The following CMTM4 variants were observed in gnomAD, a reference collection of about 807,000 sequenced individuals.
The protein encoded by CMTM4 is CKLF-like MARVEL transmembrane domain-containing protein 4.
A neutral mutation model predicts 19.0 loss-of-function variants in CMTM4; 8 were observed. That is an observed-to-expected ratio of 0.42 (90% confidence interval 0.25 to 0.76). The LOEUF (loss-of-function observed/expected upper bound fraction) is 0.76, where lower values mean the gene tolerates loss of function less well. Among genes scored for constraint, CMTM4 ranks in the 30% least tolerant of loss-of-function variants. The pLI is 0.27. For missense variants in CMTM4, 228 were observed against 290.2 expected, an observed-to-expected ratio of 0.79 and a Z score of 1.56; for synonymous variants, 106 against 121.1, an observed-to-expected ratio of 0.88 and a Z score of 0.82.
At chr16:66,632,655 G>A (rs1285755657) in intron 2 of CMTM4, among the ~76,000 whole-genome samples, 1 of 152,108 alleles carries the variant, frequency 6.6e-6, no homozygotes, top group African/African-American at 2.4e-5. Flanking sequence ...CTTTTGGGAT[G>A]GGGGAGGATC....
At chr16:66,603,217 T>C in the CMTM4 span, among the ~76,000 whole-genome samples, 2 of 152,156 alleles carry the variant, frequency 1.3e-5, no homozygotes, top group Non-Finnish European at 2.9e-5. Context: ...CACAGAGTGC[T>C]CTGGTGAGAA....
intron 1 of CMTM4, among the ~76,000 whole-genome samples, chr16:66,658,804 T>C (rs1011078170): frequency 6.6e-6 from 1 of 151,964 alleles, no homozygotes; most frequent in African/African-American, 2.4e-5. Context: ...CAAAATCTCC[T>C]CCCACAGGGA....
At chr16:66,600,136 G>GGGGGT in the CMTM4 span, among the ~76,000 whole-genome samples, 3 of 135,166 alleles carry the variant, frequency 2.2e-5, no homozygotes, top group African/African-American at 8.7e-5. Context: ...GTGTGTGTGT[G>GGGGGT]TTTTTTTTTG....
At chr16:66,614,216 C>A (rs965545753), downstream of CMTM4, among the ~76,000 whole-genome samples, 1 of 152,248 alleles carries the variant, frequency 6.6e-6, no homozygotes, top group African/African-American at 2.4e-5. The surrounding 1 kb of genome is among the most constrained non-coding windows in gnomAD (Gnocchi z 4.9). Context: ...TAACAGGTCC[C>A]ATGGTACCAG....
downstream of CMTM4, among the ~76,000 whole-genome samples, chr16:66,610,377 C>G (rs1359678750): frequency 1.3e-5 from 2 of 152,182 alleles, no homozygotes; most frequent in African/African-American, 4.8e-5. This position sits in a 1 kb window ranked among gnomAD's most constrained non-coding sequence, Gnocchi z 4.6. Flanking sequence ...CAGGCCTGTC[C>G]TGGGAAGCTC....
At chr16:66,602,080 C>T in the CMTM4 span, among the ~76,000 whole-genome samples, 2 of 152,212 alleles carry the variant, frequency 1.3e-5, no homozygotes, top group African/African-American at 2.4e-5. Flanking sequence ...TGGTGATTGT[C>T]ATGAGTGGTA....
chr16:66,604,648 G>T, the CMTM4 span: 1 of 517,532 alleles, frequency 1.9e-6, no homozygotes. Flanking sequence ...CGGGCTGGAG[G>T]AGCGGGTGGG....
the CMTM4 span, chr16:66,605,005 G>A: frequency 2.4e-5 from 33 of 1,383,506 alleles, 2 homozygotes; most frequent in South Asian, 4.9e-4. This position sits in a 1 kb window ranked among gnomAD's most constrained non-coding sequence, Gnocchi z 4.6. Flanking sequence ...GGCTCCTTTC[G>A]GAGGAGGACG....
the CMTM4 span, among the ~76,000 whole-genome samples, chr16:66,601,136 T>G: frequency 1.3e-5 from 2 of 151,346 alleles, no homozygotes; most frequent in Admixed American, 6.6e-5. Context: ...TGTGTGTGTT[T>G]ATCTTTGTGG....
chr16:66,664,643 C>A (rs2016559279), intron 1 of CMTM4, among the ~76,000 whole-genome samples: 1 of 149,412 alleles, frequency 6.7e-6, no homozygotes. Context: ...AATTCGTAGA[C>A]CAAACACTTA....
At chr16:66,642,255 T>C (rs948726454) in intron 1 of CMTM4, among the ~76,000 whole-genome samples, 2 of 152,146 alleles carry the variant, frequency 1.3e-5, no homozygotes, top group Non-Finnish European at 2.9e-5. Flanking sequence ...ATAACAACCT[T>C]GAAGTGAGCA....
intron 1 of CMTM4, among the ~76,000 whole-genome samples, chr16:66,665,872 C>T (rs1303904085): frequency 6.6e-6 from 1 of 150,998 alleles, no homozygotes; most frequent in African/African-American, 2.4e-5. Flanking sequence ...AGTTCGAGAC[C>T]AGCCTGGCCA....
At chr16:66,664,629 A>G (rs1294799356) in intron 1 of CMTM4, among the ~76,000 whole-genome samples, 1 of 151,752 alleles carries the variant, frequency 6.6e-6, no homozygotes, top group Non-Finnish European at 1.5e-5. Flanking sequence ...TGTATGTATA[A>G]TGTAATTCGT....
At chr16:66,607,689 G>A in the CMTM4 span, among the ~76,000 whole-genome samples, 1 of 152,100 alleles carries the variant, frequency 6.6e-6, no homozygotes, top group Non-Finnish European at 1.5e-5. Context: ...ATTTCCCTCC[G>A]CAGGGCACTG....
At chr16:66,642,751 A>C (rs2016118850) in intron 1 of CMTM4, among the ~76,000 whole-genome samples, 2 of 152,100 alleles carry the variant, frequency 1.3e-5, no homozygotes, top group Admixed American at 6.6e-5. Context: ...ACCAGAATTG[A>C]TATTAACAGG....
the CMTM4 span, among the ~76,000 whole-genome samples, chr16:66,602,353 T>C: frequency 2.6e-5 from 4 of 151,970 alleles, no homozygotes; most frequent in Non-Finnish European, 5.9e-5. Context: ...GCCAAGATCA[T>C]GCCACTGCAC....
chr16:66,666,402 G>A (rs1343655500), intron 1 of CMTM4, among the ~76,000 whole-genome samples: 3 of 151,842 alleles, frequency 2.0e-5, no homozygotes, highest in Non-Finnish European at 2.9e-5. Context: ...GCAGTGAGCC[G>A]AGATCACGCC....
Position 66,622,070 on chromosome 16 carries a change from G to A in CMTM4, c.615C>T (p.Arg205=), listed in dbSNP as rs1400098330. Residue 205 remains arginine (R), a synonymous_variant, in exon 4 of 4, where the codon CGC becomes CGT. Coordinates refer to ENST00000394106, the MANE Select transcript of CMTM4 (RefSeq NM_181521.3). The surrounding 1 kb of genome is among the most constrained non-coding windows in gnomAD (Gnocchi z 4.0). The part of the protein sequence containing the change: ...RDVDSRPEIQ[R]LDT ...TCCAGGCAGGTCCTCACGTGTCCAG[G>A]CGCTGGATCTCAGGGCGACTGTCCA... is the stretch of plus-strand genomic sequence containing the variant. The A allele has an allele frequency of 1.1e-5, 17 of 1,569,408 alleles. No homozygotes were observed. The highest frequency in any genetic ancestry group is 1.5e-5 in the Non-Finnish European group (17 of 1,156,402).
chr16:66,617,138 C>G lies in CMTM4; in HGVS notation c.*4920G>C. On this transcript the variant is annotated 3_prime_UTR_variant, in exon 4 of 4. Coordinates refer to ENST00000394106, the MANE Select transcript of CMTM4 (RefSeq NM_181521.3). Reference sequence around the variant, plus strand: ...TCCCTGGCCTTTGTGTATTATGCATCCCAAAGAAAACACGCCACCCCAGGT... The same window carrying G: ...TCCCTGGCCTTTGTGTATTATGCATGCCAAAGAAAACACGCCACCCCAGGT... 4 of 794,182 alleles carry G rather than the reference C, an allele frequency of 5.0e-6. No individual in the cohort carries two copies. Among genetic ancestry groups the G allele is most frequent in the Non-Finnish European group, 5.9e-6 (3 of 508,326 alleles). The allele number at this position is 794,182 out of a possible 1,614,324, so 49.2% of individuals were successfully genotyped here. A position where few individuals can be genotyped will look rare whatever the true frequency, so the allele number is the denominator to read the frequency against.
Sources: gnomAD v4.1 joint callset for allele counts (sites outside exome capture counted in the v4.1 genomes callset) on GRCh38, gnomAD v4.1.1 for gene constraint, Gnocchi (gnomAD v3.1) non-coding constraint, MANE v1.5 for transcripts, NCBI Gene and HGNC (gene_info 2026-07-23, HGNC 2026-07-21) for gene names.